The following PHLPP1 variants were observed in gnomAD, a reference collection of about 807,000 sequenced individuals.
PHLPP1 encodes the protein PH domain and leucine rich repeat protein phosphatase 1, also known as PH domain leucine-rich repeat-containing protein phosphatase 1.
A neutral mutation model predicts 117.2 loss-of-function variants in PHLPP1; 42 were observed. That is an observed-to-expected ratio of 0.36 (90% confidence interval 0.28 to 0.46). The LOEUF is 0.46. Ranked by LOEUF, PHLPP1 falls within the 20% of genes least tolerant of loss-of-function variation. The pLI, the probability that PHLPP1 is intolerant of heterozygous loss-of-function variation, is 1.00. For synonymous variants in PHLPP1, 1,042 were observed against 970.7 expected (o/e 1.07, Z -1.37); for missense variants, 2,084 against 2,241.9 (o/e 0.93, Z 1.42).
At chr18:62,934,049 A>G (rs1909897679) in intron 10 of PHLPP1, among the ~76,000 whole-genome samples, 1 of 152,202 alleles carries the variant, frequency 6.6e-6, no homozygotes, top group Non-Finnish European at 1.5e-5. Flanking sequence ...ACCAGTCAGA[A>G]TGACTATTAA....
rs1910686844 is a variant in PHLPP1, at chr18:62,958,625, TC to T, written c.3325-3del. ...TTTCTTGTTTGCACTTGTTCTTTTT[TC>T]AGTGTGTGGACCTGAGCTGTAATGA... On this transcript the variant is annotated splice_polypyrimidine_tract_variant and splice_region_variant and intron_variant, in intron 12 of 16. Coordinates refer to ENST00000262719, the MANE Select transcript of PHLPP1 (RefSeq NM_194449.4). The T allele has an allele frequency of 1.9e-6, 3 of 1,613,830 alleles. No homozygotes were observed. In the East Asian group the frequency reaches 6.7e-5, roughly 36 times the overall value.
At chr18:62,955,155 G>C (rs1333694452) in intron 12 of PHLPP1, among the ~76,000 whole-genome samples, 2 of 152,230 alleles carry the variant, frequency 1.3e-5, no homozygotes, top group Non-Finnish European at 2.9e-5. Flanking sequence ...ATGAAGAAAA[G>C]AGTTCCAAGC....
intron 1 of PHLPP1, among the ~76,000 whole-genome samples, chr18:62,757,046 G>C (rs1299231122): frequency 6.6e-6 from 1 of 152,162 alleles, no homozygotes; most frequent in African/African-American, 2.4e-5. Context: ...AGAGAGACTT[G>C]AGTGGACAAG....
chr18:62,841,331 CTTT>C (rs1048275193), intron 3 of PHLPP1, among the ~76,000 whole-genome samples: 4 of 128,556 alleles, frequency 3.1e-5, no homozygotes, highest in African/African-American at 8.8e-5. Context: ...TTCTTTCTCT[CTTT>C]TTTTTTTTTT....
intron 1 of PHLPP1, among the ~76,000 whole-genome samples, chr18:62,733,411 C>T (rs1015766838): frequency 9.2e-5 from 14 of 152,230 alleles, no homozygotes; most frequent in Admixed American, 1.3e-4. Flanking sequence ...TAGACTATAC[C>T]GTGTAAACAT....
chr18:62,931,594 A>C (rs1909808470), intron 10 of PHLPP1, among the ~76,000 whole-genome samples: 1 of 119,614 alleles, frequency 8.4e-6, no homozygotes, highest in South Asian at 2.5e-4. Context: ...TACTCGCTAG[A>C]TTAACAAAAA....
intron 12 of PHLPP1, among the ~76,000 whole-genome samples, chr18:62,952,781 C>A (rs1231307092): frequency 6.6e-6 from 1 of 152,104 alleles, no homozygotes; most frequent in Non-Finnish European, 1.5e-5. Flanking sequence ...TGCTCAGGAG[C>A]CTGGCTAATT....
At position 62,924,855 on chromosome 18, in the gene PHLPP1, G is replaced by A. The variant is rs187609781; in HGVS notation, c.2960+4741G>A. ...CCGTGTCTCAAAAAATGAAAAAAAGGTATTACAACTTTAGAATAGTATATA... is the reference window on the plus strand; with the variant it reads ...CCGTGTCTCAAAAAATGAAAAAAAGATATTACAACTTTAGAATAGTATATA... On this transcript the variant is annotated intron_variant, in intron 10 of 16. Transcript: ENST00000262719. Among the ~76,000 whole-genome samples the A allele has an allele frequency of 4.7e-3, 693 of 148,672 alleles. 1 individual carries two copies. Among genetic ancestry groups the A allele is most frequent in the Non-Finnish European group, 7.1e-3 (480 of 67,616 alleles).
intron 1 of PHLPP1, among the ~76,000 whole-genome samples, chr18:62,742,427 T>C (rs1911555544): frequency 6.6e-6 from 1 of 152,172 alleles, no homozygotes; most frequent in African/African-American, 2.4e-5. Context: ...GTCTTTTTAC[T>C]GGCTTCATGT....
At chr18:62,966,793 T>C (rs1471112597) in intron 14 of PHLPP1, among the ~76,000 whole-genome samples, 2 of 152,156 alleles carry the variant, frequency 1.3e-5, no homozygotes, top group Non-Finnish European at 2.9e-5. Context: ...GGTAAAAGAA[T>C]ATCATCATGT....
At chr18:62,927,517 A>G (rs1210295079) in intron 10 of PHLPP1, among the ~76,000 whole-genome samples, 1 of 152,214 alleles carries the variant, frequency 6.6e-6, no homozygotes, top group Non-Finnish European at 1.5e-5. Context: ...AAGTGGACAA[A>G]CAGGAAGGGC....
At position 62,838,666 on chromosome 18, in the gene PHLPP1, CAT is replaced by C. The variant is rs985669418; in HGVS notation, c.1774-112_1774-111del. The C allele has an allele frequency of 3.1e-6, 3 of 958,656 alleles. No homozygotes were observed. The African/African-American group carries it at 4.9e-5, about 16-fold the overall frequency. The allele number at this position is 958,656 out of a possible 1,614,324, so 59.4% of individuals were successfully genotyped here. Reference sequence around the variant, plus strand: ...GAACTTAGTTCTCATTAATGAGTAACATATATAGGGAAACATGCAAATCCATG... The same window carrying C: ...GAACTTAGTTCTCATTAATGAGTAACATATAGGGAAACATGCAAATCCATG... On this transcript the variant is annotated intron_variant, in intron 2 of 16. Coordinates refer to ENST00000262719, the MANE Select transcript of PHLPP1 (RefSeq NM_194449.4).
At chr18:62,858,126 G>A (rs1915542614) in intron 3 of PHLPP1, among the ~76,000 whole-genome samples, 1 of 152,088 alleles carries the variant, frequency 6.6e-6, no homozygotes, top group African/African-American at 2.4e-5. Context: ...GATAAAATTG[G>A]TAAAATGCAA....
intron 4 of PHLPP1, among the ~76,000 whole-genome samples, chr18:62,885,070 C>T (rs1277354328): frequency 6.6e-6 from 1 of 152,134 alleles, no homozygotes; most frequent in Non-Finnish European, 1.5e-5. Flanking sequence ...GCAAAAATAG[C>T]TTTGTACCTA....
intron 4 of PHLPP1, among the ~76,000 whole-genome samples, chr18:62,870,160 T>C (rs1915865346): frequency 6.6e-6 from 1 of 152,154 alleles, no homozygotes; most frequent in African/African-American, 2.4e-5. Context: ...TCTCCCACAA[T>C]GCTGGAATTA....
rs1913181149 is a variant in PHLPP1 at position 62,783,380 on chromosome 18, A to ATGTAG, written c.1577-46655_1577-46654insTGTAG. Among the ~76,000 whole-genome samples, 3 of 152,064 alleles carry ATGTAG rather than the reference A, an allele frequency of 2.0e-5. No homozygotes were observed. In the South Asian group the frequency reaches 6.2e-4, roughly 32 times the overall value. On this transcript the variant is annotated intron_variant, in intron 1 of 16. Transcript: ENST00000262719. The stretch of plus-strand genomic sequence containing the variant: ...GTAGCTGGGACTACAGGTGCCCGCC[A>ATGTAG]CCATGTCTAGCTAACTTTTTTGTAT...
chr18:62,917,134 T>C (rs1909310797), intron 9 of PHLPP1, among the ~76,000 whole-genome samples: 1 of 150,282 alleles, frequency 6.7e-6, no homozygotes, highest in African/African-American at 2.4e-5. Flanking sequence ...TTCTCTGTTT[T>C]GCTGAAGGCT....
intron 2 of PHLPP1, among the ~76,000 whole-genome samples, chr18:62,830,558 T>C (rs1040133293): frequency 6.6e-6 from 1 of 152,146 alleles, no homozygotes; most frequent in Non-Finnish European, 1.5e-5. Context: ...AACAAAATAC[T>C]AACAGGTTTC....
At position 62,717,080 on chromosome 18, in the gene PHLPP1, C is replaced by T. The variant is rs1006070579; in HGVS notation, c.1397C>T (p.Pro466Leu). The T allele has an allele frequency of 6.5e-7, 1 of 1,547,670 alleles. No individual in the cohort carries two copies. The highest frequency in any genetic ancestry group is 8.7e-7 in the Non-Finnish European group (1 of 1,146,438). ...ACCGCGGAGAAGGCGCCTCCGCCGC[C>T]CCCGCCGCCCACCCTGTACGTGCAG... Reference protein sequence around the residue: ...GVTAEKAPPPPPPPTLYVQLH... With the variant: ...GVTAEKAPPPLPPPTLYVQLH... The change falls in exon 1 of 17, where the codon CCC (proline) becomes CTC (leucine). Residue 466 changes from proline to leucine, a missense_variant. This residue lies in a region of PHLPP1 where 1,365 missense variants were observed against 1,605.9 expected (regional missense o/e 0.85). Transcript: ENST00000262719.
Sources: allele counts gnomAD v4.1 joint callset (sites outside exome capture counted in the v4.1 genomes callset), GRCh38; gene constraint gnomAD v4.1.1; regional missense constraint gnomAD v4.1.1; transcripts MANE v1.5; gene names NCBI Gene and HGNC (gene_info 2026-07-23, HGNC 2026-07-21).